The following CENPE variants were observed in gnomAD, a reference collection of about 807,000 sequenced individuals.
The protein encoded by CENPE is centromere-associated protein E.
Under a neutral mutation model 336.1 loss-of-function variants are expected in CENPE, and 145 were observed. The observed-to-expected ratio is 0.43, with a 90% CI of 0.38 to 0.50. The LOEUF is 0.50. CENPE is among the 20% of genes least tolerant of loss of function. CENPE has a pLI of 0.00. For synonymous variants in CENPE, 1,013 were observed against 984.8 expected (o/e 1.03, Z -0.54); for missense variants, 2,719 against 3,023.3 (o/e 0.90, Z 2.36).
rs1748864109 is a variant in CENPE at position 103,105,946 on chromosome 4, C to T, written c.*276G>A. 1 of 233,102 alleles carries T rather than the reference C, an allele frequency of 4.3e-6. No individual in the cohort carries two copies. The highest frequency in any genetic ancestry group is 8.2e-6 in the Non-Finnish European group (1 of 121,266). 14.4% of individuals were successfully genotyped at this position (233,102 alleles called of 1,614,324 possible). ...AAGTCATGTAGATAACTTTACATTTCTTTCAATAACTTTATTCTTTACAAA... is the reference window on the plus strand; with the variant it reads ...AAGTCATGTAGATAACTTTACATTTTTTTCAATAACTTTATTCTTTACAAA... On this transcript the variant is annotated 3_prime_UTR_variant, in exon 49 of 49. Coordinates refer to ENST00000265148, the MANE Select transcript of CENPE (RefSeq NM_001813.3).
At chr4:103,176,140 G>C (rs1755839392) in intron 14 of CENPE, 92 bp from the exon 15 acceptor site, 2 of 687,052 alleles carry the variant, frequency 2.9e-6, no homozygotes, top group Non-Finnish European at 4.9e-6. Flanking sequence ...TCTTATCAGA[G>C]ATACTAAGAA....
intron 16 of CENPE, among the ~76,000 whole-genome samples, chr4:103,169,426 C>T (rs114148327): frequency 0.03 from 4,525 of 152,198 alleles, 221 homozygotes; most frequent in African/African-American, 0.1. Context: ...ATAGGAAGGT[C>T]AAAGGTTACC....
At chr4:103,127,352 T>C (rs1418457033) in intron 42 of CENPE, among the ~76,000 whole-genome samples, 1 of 152,076 alleles carries the variant, frequency 6.6e-6, no homozygotes, top group African/African-American at 2.4e-5. Context: ...CATGTAAAAT[T>C]ATTCTTCAAA....
chr4:103,136,508 ACT>A (rs1328051573), intron 39 of CENPE, 149 bp from the exon 40 acceptor site: 5 of 514,812 alleles, frequency 9.7e-6, no homozygotes, highest in Non-Finnish European at 1.7e-5. Context: ...ACAAAAGGAA[ACT>A]CTTGTTGTCA....
Position 103,158,835 on chromosome 4 carries a change from T to C in CENPE, c.2653A>G (p.Arg885Gly). 2 of 1,610,320 alleles carry C rather than the reference T, an allele frequency of 1.2e-6. No individual in the cohort carries two copies. The highest frequency in any genetic ancestry group is 3.3e-4 in the Middle Eastern group (2 of 6,048). Residue 885 changes from arginine to glycine, a missense_variant, in exon 23 of 49, where the codon AGA becomes GGA. This residue lies in a region of CENPE where 2,437 missense variants were observed against 2,513.3 expected (regional missense o/e 0.97). Transcript: ENST00000265148. ...LQEKTREVQE[R>G]LNEMEQLKEQ... The stretch of plus-strand genomic sequence containing the variant: ...TTCAGCTGTTCCATCTCATTTAGTC[T>C]TTCTTGAACCTCACGTGTTTTCTCC...
Position 103,136,253 on chromosome 4 carries a change from C to G in CENPE, c.6410G>C (p.Arg2137Thr), listed in dbSNP as rs1458723904. ...EIEFQKELSM[R>T]VKANLSLPYL... ...GGGAAGTGAGAGGTTTGCTTTAACTCTCATTGAAAGCTCTTTTTGGAATTC... is the reference window on the plus strand; with the variant it reads ...GGGAAGTGAGAGGTTTGCTTTAACTGTCATTGAAAGCTCTTTTTGGAATTC... Residue 2137 changes from arginine (R) to threonine (T), a missense_variant, in exon 40 of 49, where the codon AGA (arginine) becomes ACA (threonine). Transcript: ENST00000265148. 2 of 1,613,550 alleles carry G rather than the reference C, an allele frequency of 1.2e-6. No homozygotes were observed. The highest frequency in any genetic ancestry group is 1.7e-5 in the Admixed American group (1 of 59,998).
chr4:103,106,502 T>C (rs1301441875), intron 48 of CENPE, among the ~76,000 whole-genome samples, 186 bp from the exon 49 acceptor site: 1 of 152,214 alleles, frequency 6.6e-6, no homozygotes, highest in Non-Finnish European at 1.5e-5. Context: ...TTACTCCCCA[T>C]TTTGTCCTAA....
At chr4:103,161,304 C>T in intron 19 of CENPE, 31 bp downstream of exon 19, 1 of 1,603,160 alleles carries the variant, frequency 6.2e-7, no homozygotes, top group Non-Finnish European at 8.5e-7. Flanking sequence ...ATTACAACTA[C>T]TTTATTATAA....
intron 8 of CENPE, among the ~76,000 whole-genome samples, chr4:103,187,854 A>G (rs147041360): frequency 0.011 from 1,652 of 152,348 alleles, 22 homozygotes; most frequent in African/African-American, 0.034. Context: ...ACAGACTGGC[A>G]AATTGGATAG....
At position 103,122,909 on chromosome 4, in the gene CENPE, G is replaced by C; in HGVS notation, c.7105C>G (p.Pro2369Ala). 6.2e-7 allele frequency: 1 copy of C among 1,613,628 alleles called. No individual in the cohort carries two copies. Among genetic ancestry groups the C allele is most frequent in the South Asian group, 1.1e-5 (1 of 91,054 alleles). Reference sequence around the variant, plus strand: ...TGTGTAGCTCTTGATGTAACATGAGGATTCTTATTGTCTTGTGTGGTAGGA... The same window carrying C: ...TGTGTAGCTCTTGATGTAACATGAGCATTCTTATTGTCTTGTGTGGTAGGA... Reference protein sequence around the residue: ...VNPTTQDNKNPHVTSRATQLT... With the variant: ...VNPTTQDNKNAHVTSRATQLT... The change falls in exon 43 of 49, where the codon CCT becomes GCT. Residue 2369 changes from proline to alanine, a missense_variant. Transcript: ENST00000265148.
chr4:103,158,758 T>G lies in CENPE; in HGVS notation c.2730A>C (p.Lys910Asn). 1 of 1,613,302 alleles carries G rather than the reference T, an allele frequency of 6.2e-7. No homozygotes were observed. The highest frequency in any genetic ancestry group is 8.5e-7 in the Non-Finnish European group (1 of 1,179,520). Residue 910 changes from lysine (K) to asparagine (N), a missense_variant, in exon 23 of 49, where the codon AAA (lysine) becomes AAC (asparagine). Physicochemically the swap from Lys to Asn is moderately conservative, Grantham distance 94. This residue lies in a region of CENPE where 2,437 missense variants were observed against 2,513.3 expected (regional missense o/e 0.97). Transcript: ENST00000265148. ...DSTLQTVERE[K>N]TLITEKLQQT... Reference sequence around the variant, plus strand: ...GCTGCAGTTTCTCAGTAATCAGTGTTTTCTCCCTTTCTACAGTTTGCAGCG... The same window carrying G: ...GCTGCAGTTTCTCAGTAATCAGTGTGTTCTCCCTTTCTACAGTTTGCAGCG...
chr4:103,136,094 G>T, intron 40 of CENPE, 47 bp downstream of exon 40: 1 of 1,477,562 alleles, frequency 6.8e-7, no homozygotes, highest in Non-Finnish European at 9.3e-7. Flanking sequence ...ATACATTGAT[G>T]TTTATAACTG....
chr4:103,177,368 T>C (rs1238604948), intron 13 of CENPE, among the ~76,000 whole-genome samples: 1 of 152,048 alleles, frequency 6.6e-6, no homozygotes, highest in Non-Finnish European at 1.5e-5. Context: ...GCTTTGCTAG[T>C]TTCTCTTCCT....
Position 103,145,135 on chromosome 4 carries a change from T to C in CENPE, c.4772A>G (p.Glu1591Gly). 1 of 1,612,454 alleles carries C rather than the reference T, an allele frequency of 6.2e-7. No individual in the cohort carries two copies. The highest frequency in any genetic ancestry group is 1.7e-4 in the Middle Eastern group (1 of 6,052). The change falls in exon 32 of 49, where the codon GAA (glutamate) becomes GGA (glycine). Residue 1591 changes from glutamate (E) to glycine (G), a missense_variant. Glu to Gly is a moderately conservative substitution (Grantham distance 98). This residue lies in a region of CENPE where 2,437 missense variants were observed against 2,513.3 expected (regional missense o/e 0.97). Transcript: ENST00000265148. ...CTGTACTCTTTTCATTTCCTCTTTT[T>C]CCTTAATCATAATTTGTATTTCTTC... ...SQEEIQIMIK[E>G]KEEMKRVQEA...
intron 13 of CENPE, among the ~76,000 whole-genome samples, chr4:103,179,968 T>C (rs1028144750): frequency 1.3e-5 from 2 of 152,234 alleles, no homozygotes; most frequent in Non-Finnish European, 2.9e-5. Flanking sequence ...CTACACCAAT[T>C]TTCCTGAGAT....
At chr4:103,173,203 A>G (rs1364731008) in intron 16 of CENPE, among the ~76,000 whole-genome samples, 2 of 152,072 alleles carry the variant, frequency 1.3e-5, no homozygotes, top group Non-Finnish European at 2.9e-5. Context: ...AAATCCATGC[A>G]TATACAGTCA....
chr4:103,140,572 G>A (rs1752461941), intron 36 of CENPE, among the ~76,000 whole-genome samples, 158 bp from the exon 37 acceptor site: 1 of 152,066 alleles, frequency 6.6e-6, no homozygotes, highest in Non-Finnish European at 1.5e-5. Flanking sequence ...AAAATTTTCT[G>A]CTGGTAGCCT....
intron 42 of CENPE, among the ~76,000 whole-genome samples, chr4:103,128,632 G>T (rs181221363): frequency 8.2e-4 from 125 of 152,160 alleles, no homozygotes; most frequent in African/African-American, 2.8e-3. Context: ...AATAACATAC[G>T]GGTCACAGGA....
At chr4:103,161,562 G>T in intron 18 of CENPE, 105 bp from the exon 19 acceptor site, 1 of 919,014 alleles carries the variant, frequency 1.1e-6, no homozygotes, top group Non-Finnish European at 1.5e-6. Context: ...ATCAAAAAGC[G>T]TACAAATATG....
Sources: gnomAD v4.1 joint callset for allele counts (sites outside exome capture counted in the v4.1 genomes callset) on GRCh38, gnomAD v4.1.1 for gene constraint, gnomAD v4.1.1 regional missense constraint, MANE v1.5 for transcripts, NCBI Gene and HGNC (gene_info 2026-07-23, HGNC 2026-07-21) for gene names.